FUT9: variants seen among roughly 807,000 people sequenced by gnomAD.
FUT9 encodes 4-galactosyl-N-acetylglucosaminide 3-alpha-L-fucosyltransferase 9.
In FUT9, 15 loss-of-function variants were observed where a neutral mutation model predicts 29.7. The ratio of observed to expected loss-of-function variants is 0.51; its 90% CI spans 0.34 to 0.78. The LOEUF (loss-of-function observed/expected upper bound fraction) is 0.78, where lower values mean the gene tolerates loss of function less well. Among genes scored for constraint, FUT9 ranks in the 30% least tolerant of loss-of-function variants. The pLI is 0.01. For missense variants in FUT9, 319 were observed against 425.4 expected (o/e 0.75, Z 2.20); for synonymous variants, 169 against 153.7 (o/e 1.10, Z -0.74).
chr6:96,197,570 T>C (rs1004529804), intron 2 of FUT9, among the ~76,000 whole-genome samples: 9 of 152,212 alleles, frequency 5.9e-5, no homozygotes, highest in African/African-American at 1.7e-4. Flanking sequence ...AAATGGTCTA[T>C]GTATTTCACA....
rs531581272 is a variant in FUT9, at chr6:96,205,282, G to A, written c.*1047G>A. 179 of 166,984 alleles carry A rather than the reference G, an allele frequency of 1.1e-3. No individual in the cohort carries two copies. Among genetic ancestry groups the A allele is most frequent in the African/African-American group, 3.8e-3 (158 of 41,522 alleles). The allele number at this position is 166,984 out of a possible 1,614,324, so 10.3% of individuals were successfully genotyped here. On this transcript the variant is annotated 3_prime_UTR_variant, in exon 3 of 3. Transcript: ENST00000302103. ...ATCATCAAGGTATTAAATATAAGAC[G>A]TTAAATATAATAAAGTGGGGATATA...
intron 1 of FUT9, among the ~76,000 whole-genome samples, chr6:96,090,291 G>A (rs1442329535): frequency 1.3e-5 from 2 of 150,460 alleles, no homozygotes; most frequent in Admixed American, 1.3e-4. Context: ...AATTTGTAAA[G>A]TCAATTGTTT....
Position 96,203,857 on chromosome 6 carries a change from C to T in FUT9, c.702C>T (p.Thr234=), listed in dbSNP as rs780943354. ...EYVNDKNLIP[T]ISTCKFYLSF... is the part of the protein sequence containing the mutation. ...TCAATGATAAAAATTTGATTCCTAC[C>T]ATATCTACTTGTAAATTTTATCTTT... The change falls in exon 3 of 3, where the codon ACC becomes ACT. Residue 234 remains threonine, a synonymous_variant. Transcript: ENST00000302103. The T allele has an allele frequency of 1.2e-6, 2 of 1,610,236 alleles. No individual in the cohort carries two copies. The highest frequency in any genetic ancestry group is 1.7e-6 in the Non-Finnish European group (2 of 1,176,846).
chr6:96,193,039 T>C (rs1157987044), intron 2 of FUT9, among the ~76,000 whole-genome samples: 16 of 151,124 alleles, frequency 1.1e-4, no homozygotes, highest in Non-Finnish European at 1.5e-4. Context: ...TTACACTTTA[T>C]ACAAAAATTA....
At chr6:96,033,367 G>T (rs1266858203) in intron 1 of FUT9, among the ~76,000 whole-genome samples, 3 of 151,498 alleles carry the variant, frequency 2.0e-5, no homozygotes, top group Non-Finnish European at 4.4e-5. Context: ...AACAGTTAGT[G>T]TACTTCTATT....
chr6:96,107,793 A>C (rs1479110250), intron 1 of FUT9, among the ~76,000 whole-genome samples: 1 of 152,082 alleles, frequency 6.6e-6, no homozygotes, highest in Non-Finnish European at 1.5e-5. Context: ...TCTACAGAAC[A>C]TCCAACCCTG....
Position 96,084,352 on chromosome 6 carries a change from C to T in FUT9, c.-97-29687C>T, listed in dbSNP as rs775915527. ...ATGTTGTTTTTTAAGCTACAGAAAG[C>T]GCTCTAAGAAGAAAGCATTTTGGGA... On this transcript the variant is annotated intron_variant, in intron 1 of 2. Transcript: ENST00000302103. 5.9e-5 allele frequency among the ~76,000 whole-genome samples: 9 copies of T among 151,976 alleles called. No individual in the cohort carries two copies. In the East Asian group the frequency reaches 9.6e-4, roughly 16 times the overall value.
At chr6:96,052,565 G>T (rs2493351) in intron 1 of FUT9, among the ~76,000 whole-genome samples, 10,710 of 152,158 alleles carry the variant, frequency 0.07, 956 homozygotes, top group African/African-American at 0.21. Flanking sequence ...GAAAGAAATA[G>T]AAAGTTGGAA....
At chr6:96,077,862 G>C (rs1771165047) in intron 1 of FUT9, among the ~76,000 whole-genome samples, 1 of 152,064 alleles carries the variant, frequency 6.6e-6, no homozygotes, top group African/African-American at 2.4e-5. Flanking sequence ...ATATTCCTTT[G>C]GTTGTTCCTT....
intron 1 of FUT9, among the ~76,000 whole-genome samples, chr6:96,019,044 A>G (rs1770026473): frequency 6.6e-6 from 1 of 152,156 alleles, no homozygotes; most frequent in African/African-American, 2.4e-5. Flanking sequence ...CTCCTTAATT[A>G]TAGCAATAAT....
chr6:96,059,663 G>T (rs1208684713), intron 1 of FUT9, among the ~76,000 whole-genome samples: 1 of 152,052 alleles, frequency 6.6e-6, no homozygotes, highest in African/African-American at 2.4e-5. Context: ...ATTTCTAACT[G>T]GTGTTACCTT....
chr6:96,065,618 AT>A (rs1344596240), intron 1 of FUT9, among the ~76,000 whole-genome samples: 5 of 152,176 alleles, frequency 3.3e-5, no homozygotes, highest in Admixed American at 1.3e-4. Context: ...AGAAATGTGA[AT>A]TAAAAAAAAT....
chr6:96,185,178 G>T (rs1458371003), intron 2 of FUT9, among the ~76,000 whole-genome samples: 1 of 151,588 alleles, frequency 6.6e-6, no homozygotes, highest in Non-Finnish European at 1.5e-5. Flanking sequence ...AGGAATGAAA[G>T]GCGGGAATAA....
At chr6:96,135,601 A>T (rs4535557) in intron 2 of FUT9, among the ~76,000 whole-genome samples, 8 of 151,556 alleles carry the variant, frequency 5.3e-5, no homozygotes, top group Middle Eastern at 3.2e-3. Context: ...AAAGACATGC[A>T]CAGCAAATGC....
At chr6:96,196,263 G>T (rs1773622704) in intron 2 of FUT9, among the ~76,000 whole-genome samples, 1 of 152,104 alleles carries the variant, frequency 6.6e-6, no homozygotes, top group Admixed American at 6.6e-5. Flanking sequence ...AACAGCATAA[G>T]AAACTTATTT....
At chr6:96,086,365 G>C (rs745887810) in intron 1 of FUT9, among the ~76,000 whole-genome samples, 16 of 152,060 alleles carry the variant, frequency 1.1e-4, no homozygotes, top group South Asian at 2.1e-4. Context: ...TTATCAATTT[G>C]TTGTCAGCTT....
In FUT9 at chr6:96,158,052, C is replaced by T. The variant is rs917779541; in HGVS notation, c.-9+43925C>T. 2.6e-5 allele frequency among the ~76,000 whole-genome samples: 4 copies of T among 152,068 alleles called. No homozygotes were observed. The East Asian group carries it at 7.7e-4, about 29-fold the overall frequency. On this transcript the variant is annotated intron_variant, in intron 2 of 2. Transcript: ENST00000302103. ...ATTAGAAAAGATAATTAGATAAGGC[C>T]TCAACAATGATGACTTTTAATTAGC...
intron 2 of FUT9, among the ~76,000 whole-genome samples, chr6:96,154,072 A>G (rs1229824953): frequency 6.6e-6 from 1 of 152,230 alleles, no homozygotes; most frequent in Non-Finnish European, 1.5e-5. Flanking sequence ...GATGTTTTCA[A>G]TCCAATGGTT....
intron 2 of FUT9, among the ~76,000 whole-genome samples, chr6:96,119,107 T>G (rs1771971132): frequency 6.6e-6 from 1 of 152,198 alleles, no homozygotes; most frequent in Non-Finnish European, 1.5e-5. Flanking sequence ...TAATATAGCA[T>G]TTGTACAGTG....
Sources: gnomAD v4.1 joint callset for allele counts (sites outside exome capture counted in the v4.1 genomes callset) on GRCh38, gnomAD v4.1.1 for gene constraint, MANE v1.5 for transcripts, NCBI Gene and HGNC (gene_info 2026-07-23, HGNC 2026-07-21) for gene names.